MBP: variants seen among roughly 807,000 people sequenced by gnomAD.
MBP encodes the protein Golli-MBP.
A neutral mutation model predicts 35.8 loss-of-function variants in MBP; 16 were observed. The ratio of observed to expected loss-of-function variants is 0.45; its 90% CI spans 0.30 to 0.68. The LOEUF is 0.68. Among genes scored for constraint, MBP ranks in the 30% least tolerant of loss-of-function variants. The pLI, the probability that MBP is intolerant of heterozygous loss-of-function variation, is 0.08. For synonymous variants in MBP, 143 were observed against 159.6 expected (o/e 0.90, Z 0.78); for missense variants, 380 against 404.7 (o/e 0.94, Z 0.52).
rs766826025 is a variant in MBP at position 76,988,465 on chromosome 18, G to C, written c.750+30C>G. 2 of 1,614,030 alleles carry C rather than the reference G, an allele frequency of 1.2e-6. No homozygotes were observed. The highest frequency in any genetic ancestry group is 2.2e-5 in the East Asian group (1 of 44,880). On this transcript the variant is annotated intron_variant, in intron 7 of 8. Coordinates refer to ENST00000355994, the MANE Select transcript of MBP (RefSeq NM_001025101.2). This position sits in a 1 kb window ranked among gnomAD's most constrained non-coding sequence, Gnocchi z 5.2. ...GGCTGTGAGGACTGGGACGGAAGAG[G>C]AAGCCGATGGAAGTGCGTTCGTCAC...
chr18:77,015,931 C>T (rs1207346783), intron 4 of MBP: 2 of 985,456 alleles, frequency 2.0e-6, no homozygotes, highest in Middle Eastern at 5.2e-4. Flanking sequence ...CTTCATCTTA[C>T]AGGTTGTGTG....
chr18:77,050,712 A>G (rs12959886), intron 3 of MBP, among the ~76,000 whole-genome samples: 31,128 of 151,992 alleles, frequency 0.2, 3,616 homozygotes, highest in South Asian at 0.32. Context: ...CGCCCAGCTA[A>G]TTTTTGTATT....
intron 2 of MBP, among the ~76,000 whole-genome samples, chr18:77,082,103 C>T (rs1038978977): frequency 6.6e-5 from 10 of 152,080 alleles, no homozygotes; most frequent in East Asian, 1.9e-4. Context: ...CCGCCCGCCT[C>T]GGCCTCCCAA....
intron 1 of MBP, among the ~76,000 whole-genome samples, chr18:77,125,820 C>A (rs1262802307): frequency 6.6e-6 from 1 of 151,212 alleles, no homozygotes; most frequent in East Asian, 1.9e-4. Context: ...GAATTCATAC[C>A]CTGAAATACT....
At chr18:77,000,746 C>T (rs1380932884) in intron 4 of MBP, among the ~76,000 whole-genome samples, 1 of 152,082 alleles carries the variant, frequency 6.6e-6, no homozygotes, top group Non-Finnish European at 1.5e-5. Context: ...TATTCCCCTG[C>T]TTTCCAATTT....
At chr18:77,112,175 A>G (rs1295666423) in intron 1 of MBP, among the ~76,000 whole-genome samples, 1 of 151,930 alleles carries the variant, frequency 6.6e-6, no homozygotes, top group African/African-American at 2.4e-5. Flanking sequence ...ACACGCACAC[A>G]CACACACACA....
intron 4 of MBP, among the ~76,000 whole-genome samples, chr18:76,993,263 C>T (rs968247213): frequency 2.6e-5 from 4 of 152,134 alleles, no homozygotes; most frequent in Non-Finnish European, 4.4e-5. Context: ...AAAGAGGGAT[C>T]CCATTTTGGC....
chr18:77,074,296 A>G (rs1397114672), intron 2 of MBP, among the ~76,000 whole-genome samples: 1 of 150,750 alleles, frequency 6.6e-6, no homozygotes, highest in Non-Finnish European at 1.5e-5. Context: ...GGTCTCCCCA[A>G]GGGGGTTCAG....
chr18:77,119,005 G>C (rs1057225903), intron 1 of MBP, among the ~76,000 whole-genome samples: 1 of 151,238 alleles, frequency 6.6e-6, no homozygotes, highest in Non-Finnish European at 1.5e-5. Flanking sequence ...CACTACCCTT[G>C]GCTGTGAGAC....
At chr18:76,990,947 A>G in intron 4 of MBP, 1 of 275,744 alleles carries the variant, frequency 3.6e-6, no homozygotes, top group Non-Finnish European at 7.5e-6. Flanking sequence ...AGGGGAAGTG[A>G]CGGTAATTCA....
At chr18:76,990,101 G>A (rs762506196) in intron 4 of MBP, 41 bp from the exon 5 acceptor site, 3 of 1,377,590 alleles carry the variant, frequency 2.2e-6, no homozygotes, top group Non-Finnish European at 3.1e-6. Context: ...CAAGTCCACA[G>A]TCCCTGCGGC....
At chr18:77,008,971 C>T (rs958340510) in intron 4 of MBP, among the ~76,000 whole-genome samples, 4 of 152,218 alleles carry the variant, frequency 2.6e-5, no homozygotes, top group African/African-American at 9.7e-5. Flanking sequence ...AAACTTGGTG[C>T]GCCATTGAGC....
intron 3 of MBP, among the ~76,000 whole-genome samples, chr18:77,049,570 TA>T (rs1476093375): frequency 2.0e-5 from 3 of 152,192 alleles, no homozygotes; most frequent in Non-Finnish European, 2.9e-5. Context: ...AGGAAAAGAG[TA>T]AGGGTCATTA....
chr18:77,032,222 C>T (rs1179539596), intron 3 of MBP, among the ~76,000 whole-genome samples: 2 of 152,146 alleles, frequency 1.3e-5, no homozygotes, highest in African/African-American at 2.4e-5. Flanking sequence ...TGTGTCACGG[C>T]GCGCTGTGCT....
chr18:77,064,022 A>G (rs1261888522), intron 3 of MBP, among the ~76,000 whole-genome samples: 1 of 152,154 alleles, frequency 6.6e-6, no homozygotes, highest in Non-Finnish European at 1.5e-5. Flanking sequence ...GTTTGCTTAA[A>G]AAAACAGTAG....
At chr18:76,999,239 T>C (rs933489454) in intron 4 of MBP, among the ~76,000 whole-genome samples, 2 of 151,966 alleles carry the variant, frequency 1.3e-5, no homozygotes, top group Non-Finnish European at 2.9e-5. Flanking sequence ...AGACCAGCCA[T>C]GGGGGACGCT....
rs182327076 is a variant in MBP, at chr18:77,131,188, G to A, written c.-26+1392C>T. 1.5e-3 allele frequency among the ~76,000 whole-genome samples: 234 copies of A among 151,782 alleles called. 3 individuals are homozygous for A. Among genetic ancestry groups the A allele is most frequent in the African/African-American group, 5.0e-3 (206 of 41,338 alleles). On this transcript the variant is annotated intron_variant, in intron 1 of 8. Transcript: ENST00000355994. The surrounding 1 kb of genome is among the most constrained non-coding windows in gnomAD (Gnocchi z 5.5). ...AGGGCGGCTGGGTTCCAGGCTCTCA[G>A]CCGTGACCACAGCCCCGGCCCCAAC... is the stretch of plus-strand genomic sequence containing the variant.
chr18:76,989,135 A>G lies in MBP; in HGVS notation c.682-223T>C, dbSNP rs192015311. On this transcript the variant is annotated intron_variant, in intron 5 of 8. Coordinates refer to ENST00000355994, the MANE Select transcript of MBP (RefSeq NM_001025101.2). This position sits in a 1 kb window ranked among gnomAD's most constrained non-coding sequence, Gnocchi z 4.0. Reference sequence around the variant, plus strand: ...TCCCAGAGCACTCAGGAAGTGTTTCAGAGGATGGAAAACACCTCCCAGAGG... The same window carrying G: ...TCCCAGAGCACTCAGGAAGTGTTTCGGAGGATGGAAAACACCTCCCAGAGG... 3 of 689,810 alleles carry G rather than the reference A, an allele frequency of 4.3e-6. No individual in the cohort carries two copies. The highest frequency in any genetic ancestry group is 3.5e-5 in the African/African-American group (2 of 57,078). The allele number at this position is 689,810 out of a possible 1,614,324, so 42.7% of individuals were successfully genotyped here.
chr18:77,124,108 A>C (rs1976968864), intron 1 of MBP, among the ~76,000 whole-genome samples: 1 of 152,148 alleles, frequency 6.6e-6, no homozygotes, highest in Non-Finnish European at 1.5e-5. Context: ...CAGATGCCCC[A>C]AAAGACGGGC....
Sources: gnomAD v4.1 joint callset for allele counts (sites outside exome capture counted in the v4.1 genomes callset) on GRCh38, gnomAD v4.1.1 for gene constraint, Gnocchi (gnomAD v3.1) non-coding constraint, MANE v1.5 for transcripts, NCBI Gene and HGNC (gene_info 2026-07-23, HGNC 2026-07-21) for gene names.